Variants in FSTL5 observed in about 807,000 individuals in gnomAD.
The protein encoded by FSTL5 is follistatin-related protein 5.
FSTL5 carries 62 observed loss-of-function variants against 89.1 expected under a neutral mutation model. The ratio of observed to expected loss-of-function variants is 0.70; its 90% CI spans 0.57 to 0.86. The LOEUF (loss-of-function observed/expected upper bound fraction) is 0.86, where lower values mean the gene tolerates loss of function less well. Among genes scored for constraint, FSTL5 ranks in the 40% least tolerant of loss-of-function variants. FSTL5 has a pLI of 0.00. For synonymous variants in FSTL5, 383 were observed against 346.2 expected, an observed-to-expected ratio of 1.11 and a Z score of -1.18; for missense variants, 1,057 against 1,001.6, an observed-to-expected ratio of 1.06 and a Z score of -0.75.
chr4:161,618,516 G>A (rs1261355368), intron 7 of FSTL5, among the ~76,000 whole-genome samples: 1 of 149,086 alleles, frequency 6.7e-6, no homozygotes, highest in Non-Finnish European at 1.5e-5. Context: ...CTAATTTATT[G>A]AGAGTTTTTA....
chr4:161,864,378 T>G (rs1464731618), intron 4 of FSTL5, among the ~76,000 whole-genome samples: 3 of 152,184 alleles, frequency 2.0e-5, no homozygotes, highest in East Asian at 3.9e-4. Context: ...GCTCAGTTTA[T>G]AAATCTGTAC....
At chr4:161,559,201 A>G (rs1471157300) in intron 8 of FSTL5, among the ~76,000 whole-genome samples, 1 of 151,796 alleles carries the variant, frequency 6.6e-6, no homozygotes. Context: ...CTCTTCGTAA[A>G]AGCCTGCATT....
intron 10 of FSTL5, among the ~76,000 whole-genome samples, chr4:161,525,205 G>T (rs767654090): frequency 6.6e-6 from 1 of 152,026 alleles, no homozygotes; most frequent in Admixed American, 6.6e-5. Flanking sequence ...TTTCTGAAAG[G>T]ACTTCAAGAC....
At chr4:161,716,936 T>C (rs1318730605) in intron 6 of FSTL5, among the ~76,000 whole-genome samples, 1 of 152,206 alleles carries the variant, frequency 6.6e-6, no homozygotes, top group Non-Finnish European at 1.5e-5. Flanking sequence ...AAAATATCTG[T>C]GTAGTAGATT....
intron 8 of FSTL5, among the ~76,000 whole-genome samples, chr4:161,568,532 A>T (rs1732895688): frequency 1.3e-5 from 2 of 152,264 alleles, no homozygotes; most frequent in Non-Finnish European, 1.5e-5. Flanking sequence ...ATGTTATCCT[A>T]TTGGGTAAGT....
intron 11 of FSTL5, among the ~76,000 whole-genome samples, chr4:161,502,234 G>T (rs569981704): frequency 1.3e-5 from 2 of 152,000 alleles, no homozygotes; most frequent in South Asian, 4.1e-4. Flanking sequence ...ACACAGAAAA[G>T]AGTCAGTGGG....
rs968300543 is a variant in FSTL5 at position 162,094,500 on chromosome 4, C to T, written c.126+16771G>A. On this transcript the variant is annotated intron_variant, in intron 2 of 15. Transcript: ENST00000306100. ...CAATAGTAGAGTGGATAATAAATTG[C>T]GCATGAATTTTGTATAATGGGCCAC... is the stretch of plus-strand genomic sequence containing the variant. 5.3e-5 allele frequency among the ~76,000 whole-genome samples: 8 copies of T among 151,968 alleles called. No individual in the cohort carries two copies. The South Asian group carries it at 6.2e-4, about 12-fold the overall frequency.
intron 2 of FSTL5, among the ~76,000 whole-genome samples, chr4:162,081,535 T>C (rs557476972): frequency 3.3e-5 from 5 of 151,636 alleles, no homozygotes; most frequent in Non-Finnish European, 5.9e-5. Flanking sequence ...AAAGGCCAAA[T>C]AGACATAGGT....
chr4:161,502,556 G>A (rs547092023), intron 11 of FSTL5, among the ~76,000 whole-genome samples: 3 of 151,850 alleles, frequency 2.0e-5, no homozygotes, highest in East Asian at 1.9e-4. Flanking sequence ...TTAAAATAGC[G>A]ATTATAAAAT....
intron 15 of FSTL5, among the ~76,000 whole-genome samples, chr4:161,447,946 A>C (rs1733005186): frequency 6.6e-6 from 1 of 152,102 alleles, no homozygotes; most frequent in Non-Finnish European, 1.5e-5. Flanking sequence ...AGCTCTGGGA[A>C]TCTAACGATC....
intron 15 of FSTL5, among the ~76,000 whole-genome samples, chr4:161,397,653 G>A (rs1029329773): frequency 4.1e-4 from 44 of 108,632 alleles, no homozygotes; most frequent in Non-Finnish European, 6.3e-4. Context: ...ACATATTGAA[G>A]AAGAGACTTT....
chr4:161,451,037 C>T (rs1214945295), intron 15 of FSTL5, among the ~76,000 whole-genome samples: 1 of 152,110 alleles, frequency 6.6e-6, no homozygotes, highest in Non-Finnish European at 1.5e-5. Flanking sequence ...AGCCACTGAG[C>T]CCGGCCCATT....
chr4:161,780,766 T>A (rs765717904), intron 4 of FSTL5, among the ~76,000 whole-genome samples: 2 of 152,186 alleles, frequency 1.3e-5, no homozygotes, highest in Admixed American at 6.5e-5. Context: ...AGTACAACCA[T>A]CAGTTTTGAG....
intron 3 of FSTL5, among the ~76,000 whole-genome samples, chr4:161,998,248 T>A (rs1283174100): frequency 6.6e-6 from 1 of 152,204 alleles, no homozygotes; most frequent in Admixed American, 6.5e-5. Context: ...TTCTTTTTTT[T>A]ATTGTAAATA....
At chr4:162,120,215 G>C (rs1220246689) in intron 1 of FSTL5, among the ~76,000 whole-genome samples, 1 of 151,958 alleles carries the variant, frequency 6.6e-6, no homozygotes, top group Non-Finnish European at 1.5e-5. Context: ...AAACGTACAG[G>C]AATTTGAGCT....
At chr4:161,735,457 A>T (rs1218995035) in intron 6 of FSTL5, among the ~76,000 whole-genome samples, 1 of 152,142 alleles carries the variant, frequency 6.6e-6, no homozygotes, top group Non-Finnish European at 1.5e-5. Context: ...CTTTTCCTTG[A>T]CAGGTAGTCT....
intron 1 of FSTL5, among the ~76,000 whole-genome samples, chr4:162,159,853 T>C (rs1733626187): frequency 6.6e-6 from 1 of 151,974 alleles, no homozygotes; most frequent in South Asian, 2.1e-4. Flanking sequence ...GTTCCTTGCC[T>C]TGCCAATCAG....
At chr4:161,818,257 C>T (rs1043454572) in intron 4 of FSTL5, among the ~76,000 whole-genome samples, 1 of 152,124 alleles carries the variant, frequency 6.6e-6, no homozygotes, top group African/African-American at 2.4e-5. Flanking sequence ...CTGAGCAGCC[C>T]GACTCCAGAG....
intron 4 of FSTL5, among the ~76,000 whole-genome samples, chr4:161,781,138 A>G (rs541688366): frequency 6.6e-6 from 1 of 152,246 alleles, no homozygotes; most frequent in African/African-American, 2.4e-5. Context: ...CTAATAAAAC[A>G]CAAATATTTT....
Sources: gnomAD v4.1 joint callset for allele counts (sites outside exome capture counted in the v4.1 genomes callset) on GRCh38, gnomAD v4.1.1 for gene constraint, MANE v1.5 for transcripts, NCBI Gene and HGNC (gene_info 2026-07-23, HGNC 2026-07-21) for gene names.